OLA1: variants seen among roughly 807,000 people sequenced by gnomAD.
OLA1 encodes Obg like ATPase 1.
Under a neutral mutation model 48.4 loss-of-function variants are expected in OLA1, and 14 were observed. That is an observed-to-expected ratio of 0.29 (90% CI 0.19 to 0.45). The LOEUF (loss-of-function observed/expected upper bound fraction) is 0.45, where lower values mean the gene tolerates loss of function less well. OLA1 is among the 20% of genes least tolerant of loss of function. OLA1 has a pLI of 1.00. For missense variants in OLA1, 325 were observed against 467.1 expected, an observed-to-expected ratio of 0.70 and a Z score of 2.80; for synonymous variants, 127 against 150.4, an observed-to-expected ratio of 0.84 and a Z score of 1.14.
chr2:174,115,759 A>G (rs1685766568), intron 7 of OLA1, among the ~76,000 whole-genome samples: 2 of 152,132 alleles, frequency 1.3e-5, no homozygotes, highest in Non-Finnish European at 2.9e-5. Context: ...GGATTCTCTC[A>G]TGGCATGTAT....
chr2:174,199,541 A>C (rs747163453), intron 4 of OLA1, among the ~76,000 whole-genome samples: 2 of 152,200 alleles, frequency 1.3e-5, no homozygotes, highest in Non-Finnish European at 2.9e-5. Flanking sequence ...CAACTTCCCA[A>C]TATTTAAAGA....
intron 5 of OLA1, among the ~76,000 whole-genome samples, chr2:174,128,221 C>T (rs1686090373): frequency 6.6e-6 from 1 of 151,310 alleles, no homozygotes; most frequent in Non-Finnish European, 1.5e-5. Flanking sequence ...AGTGAGACCC[C>T]ATCTCTACAA....
Position 174,072,548 on chromosome 2 carries a change from C to A in OLA1, c.*2878G>T, listed in dbSNP as rs1382478488. Reference sequence around the variant, plus strand: ...TAAAGTAGTTTGCCATTAGGAACAACCGACATTTCTCAAGTCTCTTGTAAA... The same window carrying A: ...TAAAGTAGTTTGCCATTAGGAACAAACGACATTTCTCAAGTCTCTTGTAAA... On this transcript the variant is annotated 3_prime_UTR_variant, in exon 11 of 11. Transcript: ENST00000284719. 1 of 152,120 alleles carries A rather than the reference C, an allele frequency of 6.6e-6. No individual in the cohort carries two copies. Among genetic ancestry groups the A allele is most frequent in the Non-Finnish European group, 1.5e-5 (1 of 68,026 alleles). 9.4% of individuals were successfully genotyped at this position (152,120 alleles called of 1,614,324 possible).
chr2:174,082,774 A>AC (rs1187851380), intron 7 of OLA1, among the ~76,000 whole-genome samples: 71 of 152,296 alleles, frequency 4.7e-4, no homozygotes, highest in Admixed American at 1.9e-3. Flanking sequence ...CCTAGTTGTT[A>AC]CCTGAAAAGA....
At chr2:174,104,894 T>A (rs979783835) in intron 7 of OLA1, among the ~76,000 whole-genome samples, 1 of 151,958 alleles carries the variant, frequency 6.6e-6, no homozygotes, top group African/African-American at 2.4e-5. Context: ...TAATGATTCA[T>A]AGTGTCTCTA....
At chr2:174,111,566 G>A (rs1255443192) in intron 7 of OLA1, among the ~76,000 whole-genome samples, 1 of 152,124 alleles carries the variant, frequency 6.6e-6, no homozygotes, top group Non-Finnish European at 1.5e-5. Flanking sequence ...CATTAGTTTT[G>A]CCCGACCTGG....
intron 2 of OLA1, among the ~76,000 whole-genome samples, chr2:174,230,116 G>A (rs2105456548): frequency 6.6e-6 from 1 of 152,080 alleles, no homozygotes; most frequent in South Asian, 2.1e-4. Context: ...AGTAATACGT[G>A]CTCAGAGAAA....
In OLA1 at chr2:174,075,242, C is replaced by T; in HGVS notation, c.*184G>A. 2.1e-6 allele frequency: 1 copy of T among 486,062 alleles called. No homozygotes were observed. The highest frequency in any genetic ancestry group is 3.6e-6 in the Non-Finnish European group (1 of 277,652). The allele number at this position is 486,062 out of a possible 1,614,324, so 30.1% of individuals were successfully genotyped here. On this transcript the variant is annotated 3_prime_UTR_variant, in exon 11 of 11. Transcript: ENST00000284719. ...AGCAAAGCTGTTCACATTTAGTGAA[C>T]CTGCATTTCATGGGGGGGGGGGGGT...
At chr2:174,216,701 C>A (rs184765684) in intron 4 of OLA1, among the ~76,000 whole-genome samples, 1 of 152,002 alleles carries the variant, frequency 6.6e-6, no homozygotes, top group East Asian at 1.9e-4. Context: ...TACAGGTGCA[C>A]GCCACAATGC....
At chr2:174,194,760 CT>C (rs1687847482) in intron 4 of OLA1, among the ~76,000 whole-genome samples, 1 of 152,150 alleles carries the variant, frequency 6.6e-6, no homozygotes, top group Non-Finnish European at 1.5e-5. Context: ...CCAATTTCTT[CT>C]TTCGATTGCA....
At chr2:174,104,784 C>T (rs1171699202) in intron 7 of OLA1, among the ~76,000 whole-genome samples, 2 of 151,852 alleles carry the variant, frequency 1.3e-5, no homozygotes, top group African/African-American at 4.8e-5. Flanking sequence ...TATGCAATTC[C>T]GGTTTATTTC....
At chr2:174,168,814 C>T (rs1341632084) in intron 4 of OLA1, among the ~76,000 whole-genome samples, 3 of 150,940 alleles carry the variant, frequency 2.0e-5, no homozygotes, top group Non-Finnish European at 4.4e-5. Flanking sequence ...GATATATGGA[C>T]ATAACAGCCA....
chr2:174,120,454 A>G (rs548669103), intron 7 of OLA1, among the ~76,000 whole-genome samples: 29 of 152,342 alleles, frequency 1.9e-4, no homozygotes, highest in African/African-American at 6.5e-4. Context: ...GCAATTTGTA[A>G]TAATAAAAAA....
At chr2:174,195,314 A>C (rs1255916624) in intron 4 of OLA1, among the ~76,000 whole-genome samples, 1 of 152,078 alleles carries the variant, frequency 6.6e-6, no homozygotes, top group Admixed American at 6.6e-5. Context: ...TGCATGAAAA[A>C]ATTTTTTTTA....
At chr2:174,243,197 T>C (rs1026836454) in intron 2 of OLA1, among the ~76,000 whole-genome samples, 1 of 152,124 alleles carries the variant, frequency 6.6e-6, no homozygotes. Context: ...TTAGTAGAGA[T>C]GGGGTTTCAC....
chr2:174,193,504 G>C (rs1244657240), intron 4 of OLA1, among the ~76,000 whole-genome samples: 1 of 152,080 alleles, frequency 6.6e-6, no homozygotes, highest in African/African-American at 2.4e-5. Flanking sequence ...CCTCTTGTGT[G>C]CAACAGTAGA....
rs10542498 is a variant in OLA1, at chr2:174,092,127, CAAA to C, written c.729-10066_729-10064del. On this transcript the variant is annotated intron_variant, in intron 7 of 10. Transcript: ENST00000284719. The stretch of plus-strand genomic sequence containing the variant: ...AGGCAACAAGAGCAAAACTCCATCT[CAAA>C]AAAAAAAAAAAAGAAAGAAAAGAAA... Among the ~76,000 whole-genome samples, 29 of 84,734 alleles carry C rather than the reference CAAA, an allele frequency of 3.4e-4. 1 individual carries two copies. The highest frequency in any genetic ancestry group is 1.3e-3 in the African/African-American group (27 of 20,922). The allele number at this position is 84,734 out of a possible 152,430, so 55.6% of individuals were successfully genotyped here. A position where few individuals can be genotyped will look rare whatever the true frequency, so the allele number is the denominator to read the frequency against.
chr2:174,074,013 T>G lies in OLA1; in HGVS notation c.*1413A>C, dbSNP rs370062050. The G allele has an allele frequency of 1.3e-5, 2 of 152,226 alleles. No homozygotes were observed. Among genetic ancestry groups the G allele is most frequent in the Non-Finnish European group, 2.9e-5 (2 of 68,034 alleles). 9.4% of individuals were successfully genotyped at this position (152,226 alleles called of 1,614,324 possible). On this transcript the variant is annotated 3_prime_UTR_variant, in exon 11 of 11. Transcript: ENST00000284719. Reference sequence around the variant, plus strand: ...TACTCACTGGAGAGCTTCTAAATTATACTCACGACTCAACCTCATCCTCTT... The same window carrying G: ...TACTCACTGGAGAGCTTCTAAATTAGACTCACGACTCAACCTCATCCTCTT...
chr2:174,246,601 T>C, intron 2 of OLA1, 114 bp downstream of exon 2: 1 of 716,672 alleles, frequency 1.4e-6, no homozygotes, highest in Non-Finnish European at 2.4e-6. Context: ...ATAGTCCAGC[T>C]TCCTGGCCTC....
Sources: allele counts gnomAD v4.1 joint callset (sites outside exome capture counted in the v4.1 genomes callset), GRCh38; gene constraint gnomAD v4.1.1; transcripts MANE v1.5; gene names NCBI Gene and HGNC (gene_info 2026-07-23, HGNC 2026-07-21).